Variants in GRID1 observed in about 807,000 individuals in gnomAD.
The protein encoded by GRID1 is glutamate ionotropic receptor delta type subunit 1, also known as glutamate receptor ionotropic, delta-1.
A neutral mutation model predicts 98.0 loss-of-function variants in GRID1; 28 were observed. The ratio of observed to expected loss-of-function variants is 0.29; its 90% confidence interval spans 0.21 to 0.39. GRID1 has a LOEUF of 0.39. Ranked by LOEUF, GRID1 falls within the 10% of genes least tolerant of loss-of-function variation. The probability of loss-of-function intolerance (pLI) is 1.00; values close to 1 mark genes in which losing one functional copy is unlikely to be tolerated. For synonymous variants in GRID1, 553 were observed against 538.5 expected, an observed-to-expected ratio of 1.03 and a Z score of -0.37; for missense variants, 1,111 against 1,340.5, an observed-to-expected ratio of 0.83 and a Z score of 2.67.
At chr10:86,035,811 G>C (rs565947763) in intron 4 of GRID1, among the ~76,000 whole-genome samples, 4 of 152,194 alleles carry the variant, frequency 2.6e-5, no homozygotes, top group Admixed American at 2.0e-4. Context: ...ATAATAAATA[G>C]ATATAAGGTG....
chr10:85,928,225 A>T (rs1433092921), intron 4 of GRID1, among the ~76,000 whole-genome samples: 1 of 152,200 alleles, frequency 6.6e-6, no homozygotes, highest in Non-Finnish European at 1.5e-5. Context: ...CTCTGGAGAA[A>T]GAGGCGGAGG....
chr10:85,632,310 A>C (rs1392258401), intron 13 of GRID1, among the ~76,000 whole-genome samples: 1 of 152,164 alleles, frequency 6.6e-6, no homozygotes, highest in East Asian at 1.9e-4. Context: ...TTCAAGAATA[A>C]ATAAAATACT....
At chr10:86,138,797 G>GCC (rs1412261122) in intron 4 of GRID1, 22 bp downstream of exon 4, 1 of 1,597,756 alleles carries the variant, frequency 6.3e-7, no homozygotes, top group Admixed American at 1.7e-5. Context: ...GGCCCCTGAG[G>GCC]CCTCAGGCCC....
chr10:86,086,092 A>G (rs1192153366), intron 4 of GRID1, among the ~76,000 whole-genome samples: 2 of 151,952 alleles, frequency 1.3e-5, no homozygotes, highest in Non-Finnish European at 2.9e-5. Flanking sequence ...CTCTTCCTTC[A>G]GGCTTCAGCT....
intron 2 of GRID1, among the ~76,000 whole-genome samples, chr10:86,245,012 A>T (rs997187833): frequency 2.0e-5 from 3 of 152,194 alleles, no homozygotes; most frequent in African/African-American, 7.2e-5. Context: ...GCTTGATGCT[A>T]CCCAGGGTAA....
chr10:86,345,446 C>G (rs4934188), intron 2 of GRID1, among the ~76,000 whole-genome samples: 1 of 152,030 alleles, frequency 6.6e-6, no homozygotes, highest in African/African-American at 2.4e-5. Flanking sequence ...TGGTCCTCCT[C>G]TCCCCTCTCT....
intron 8 of GRID1, among the ~76,000 whole-genome samples, chr10:85,769,329 A>T (rs1191356256): frequency 6.6e-6 from 1 of 152,196 alleles, no homozygotes; most frequent in Non-Finnish European, 1.5e-5. Context: ...GAATATAAAG[A>T]TGGCAGGAGC....
At chr10:85,927,106 G>C (rs903049751) in intron 4 of GRID1, among the ~76,000 whole-genome samples, 5 of 152,198 alleles carry the variant, frequency 3.3e-5, no homozygotes. Context: ...AACTCTTCCT[G>C]CCTTGCAAGT....
chr10:85,840,219 T>C (rs1442845810), intron 8 of GRID1, among the ~76,000 whole-genome samples: 2 of 152,084 alleles, frequency 1.3e-5, no homozygotes, highest in Non-Finnish European at 2.9e-5. Flanking sequence ...TTCTAAAAAA[T>C]TGAGGAGGAG....
In GRID1 at chr10:86,310,001, TCC is replaced by T. The variant is rs1847810745; in HGVS notation, c.235+53938_235+53939del. Among the ~76,000 whole-genome samples the T allele has an allele frequency of 2.0e-5, 3 of 152,294 alleles. No individual in the cohort carries two copies. The South Asian group carries it at 6.2e-4, about 32-fold the overall frequency. ...TCAAGCCCACTACCACCCCTTTATG[TCC>T]AAGCCGGCTGGCCTGAGGCCACCTG... On this transcript the variant is annotated intron_variant, in intron 2 of 15. Transcript: ENST00000327946.
intron 6 of GRID1, among the ~76,000 whole-genome samples, chr10:85,868,613 A>C (rs1843245629): frequency 6.6e-6 from 1 of 152,212 alleles, no homozygotes; most frequent in Non-Finnish European, 1.5e-5. Flanking sequence ...TTGCTTTGCA[A>C]GGGTCGTGTC....
intron 13 of GRID1, among the ~76,000 whole-genome samples, chr10:85,634,341 C>G (rs542905822): frequency 6.7e-6 from 1 of 149,772 alleles, no homozygotes; most frequent in Non-Finnish European, 1.5e-5. Flanking sequence ...ATATAGGACC[C>G]AGAGCAAATC....
chr10:85,655,288 T>G (rs79170610), intron 12 of GRID1, among the ~76,000 whole-genome samples: 6,014 of 152,124 alleles, frequency 0.04, 143 homozygotes, highest in Middle Eastern at 0.061. Context: ...AGTGGATCCA[T>G]GCCCACTGGA....
At chr10:85,941,840 G>A (rs1842000711) in intron 4 of GRID1, among the ~76,000 whole-genome samples, 1 of 152,174 alleles carries the variant, frequency 6.6e-6, no homozygotes, top group South Asian at 2.1e-4. Flanking sequence ...TTTAAGCAAT[G>A]GAAAGTGAGA....
Position 86,206,585 on chromosome 10 carries a change from T to C in GRID1, c.299A>G (p.Asn100Ser), listed in dbSNP as rs151029149. Residue 100 changes from asparagine to serine, a missense_variant, in exon 3 of 16, where the codon AAT becomes AGT. Physicochemically the swap from Asn to Ser is conservative, Grantham distance 46. Coordinates refer to ENST00000327946, the MANE Select transcript of GRID1 (RefSeq NM_017551.3). This position sits in a 1 kb window ranked among gnomAD's most constrained non-coding sequence, Gnocchi z 4.1. ...GGCATCCGTGAGGGACTGCAGGGCATTGGCAGATGCACAGCCAGTGGACGT... is the reference window on the plus strand; with the variant it reads ...GGCATCCGTGAGGGACTGCAGGGCACTGGCAGATGCACAGCCAGTGGACGT... ...LVTSTGCASA[N>S]ALQSLTDAMH... 16 of 1,613,990 alleles carry C rather than the reference T, an allele frequency of 9.9e-6. No homozygotes were observed. Among genetic ancestry groups the C allele is most frequent in the Non-Finnish European group, 1.3e-5 (15 of 1,179,982 alleles).
chr10:85,649,015 G>T (rs1843232340), intron 12 of GRID1, among the ~76,000 whole-genome samples: 1 of 152,224 alleles, frequency 6.6e-6, no homozygotes, highest in African/African-American at 2.4e-5. Flanking sequence ...GGAGATAGAA[G>T]CAGAGCCTGT....
At chr10:86,132,972 G>A (rs549768655) in intron 4 of GRID1, among the ~76,000 whole-genome samples, 10 of 152,298 alleles carry the variant, frequency 6.6e-5, no homozygotes, top group Admixed American at 2.6e-4. Flanking sequence ...CCAGAGCAAC[G>A]GAAAGCTGTC....
intron 4 of GRID1, among the ~76,000 whole-genome samples, chr10:86,050,510 A>C (rs1843486396): frequency 6.6e-6 from 1 of 152,194 alleles, no homozygotes; most frequent in Admixed American, 6.5e-5. Context: ...AGTGCAGTAC[A>C]AAATCAATAT....
At chr10:86,309,320 G>A (rs1326223060) in intron 2 of GRID1, among the ~76,000 whole-genome samples, 1 of 152,166 alleles carries the variant, frequency 6.6e-6, no homozygotes, top group African/African-American at 2.4e-5. Flanking sequence ...TTATACTAAT[G>A]ATACAATAAT....
Sources: gnomAD v4.1 joint callset for allele counts (sites outside exome capture counted in the v4.1 genomes callset) on GRCh38, gnomAD v4.1.1 for gene constraint, Gnocchi (gnomAD v3.1) non-coding constraint, MANE v1.5 for transcripts, NCBI Gene and HGNC (gene_info 2026-07-23, HGNC 2026-07-21) for gene names.